CASP8: variants seen among roughly 807,000 people sequenced by gnomAD.
CASP8 encodes caspase-8.
Under a neutral mutation model 46.3 loss-of-function variants are expected in CASP8, and 24 were observed. The observed-to-expected ratio is 0.52, with a 90% confidence interval of 0.38 to 0.73. The LOEUF (loss-of-function observed/expected upper bound fraction) is 0.73. CASP8 is among the 30% of genes least tolerant of loss of function. The pLI, the probability that CASP8 is intolerant of heterozygous loss-of-function variation, is 0.00. For missense variants in CASP8, 460 were observed against 559.0 expected (o/e 0.82, Z 1.79); for synonymous variants, 188 against 200.4 (o/e 0.94, Z 0.52).
intron 2 of CASP8, among the ~76,000 whole-genome samples, chr2:201,234,447 T>C (rs767825557): frequency 2.0e-5 from 3 of 152,092 alleles, no homozygotes; most frequent in Non-Finnish European, 4.4e-5. Context: ...TGAAAAGTTA[T>C]TCTTTTTTAT....
intron 2 of CASP8, among the ~76,000 whole-genome samples, chr2:201,268,767 A>C (rs1948008945): frequency 6.6e-6 from 1 of 152,026 alleles, no homozygotes; most frequent in Non-Finnish European, 1.5e-5. Context: ...GGGTGGGTGG[A>C]GGAATCCTCA....
chr2:201,271,690 AAG>A (rs1334706098), intron 3 of CASP8, 69 bp downstream of exon 3: 3 of 960,774 alleles, frequency 3.1e-6, no homozygotes, highest in Middle Eastern at 2.1e-4. Context: ...TCTGAGACCA[AAG>A]AGAGGGGTAT....
chr2:201,257,014 G>A (rs573123843), upstream of CASP8, among the ~76,000 whole-genome samples: 47 of 152,054 alleles, frequency 3.1e-4, no homozygotes, highest in Middle Eastern at 0.017. Flanking sequence ...GCATGGTGGC[G>A]CATGCCTGTA....
intron 2 of CASP8, among the ~76,000 whole-genome samples, chr2:201,268,128 T>G (rs1947958226): frequency 6.6e-6 from 1 of 151,980 alleles, no homozygotes; most frequent in African/African-American, 2.4e-5. Flanking sequence ...TTCCACCATG[T>G]TGGCCAGGCT....
At position 201,239,853 on chromosome 2, in the gene CASP8, G is replaced by A. The variant is rs139906975; in HGVS notation, c.-27+5741G>A. Reference sequence around the variant, plus strand: ...TTGTCCCTGATGGCTTCTGATGCAAGCTGGGACAGCATTTGTCTGTTGATA... The same window carrying A: ...TTGTCCCTGATGGCTTCTGATGCAAACTGGGACAGCATTTGTCTGTTGATA... On this transcript the variant is annotated intron_variant, in intron 2 of 6. Coordinates refer to the CASP8 transcript ENST00000264274. 3.3e-5 allele frequency among the ~76,000 whole-genome samples: 5 copies of A among 152,316 alleles called. No homozygotes were observed. In the East Asian group the frequency reaches 9.6e-4, roughly 29 times the overall value.
rs755237738 is a variant in CASP8 at position 201,285,000 on chromosome 2, G to A, written c.987G>A (p.Gln329=). The change falls in exon 8 of 9, where the codon CAG becomes CAA. Residue 329 remains glutamine (Q), a synonymous_variant. Coordinates refer to ENST00000673742, the MANE Select transcript of CASP8 (RefSeq NM_001372051.1). The part of the protein sequence containing the change: ...DKGIIYGTDG[Q]EAPIYELTSQ... ...GCATCATCTATGGCACTGATGGACA[G>A]GAGGCCCCCATCTATGAGCTGACAT... 3 of 1,614,056 alleles carry A rather than the reference G, an allele frequency of 1.9e-6. No homozygotes were observed. Among genetic ancestry groups the A allele is most frequent in the South Asian group, 2.2e-5 (2 of 91,094 alleles).
At chr2:201,258,348 G>A (rs370221663), upstream of CASP8, 32 of 1,613,858 alleles carry the variant, frequency 2.0e-5, no homozygotes, top group Middle Eastern at 1.6e-4. Flanking sequence ...TAGGGGACTC[G>A]GAGACTGCGA....
intron 6 of CASP8, 37 bp from the exon 7 acceptor site, chr2:201,276,788 CCA>C: frequency 3.7e-6 from 6 of 1,613,384 alleles, no homozygotes; most frequent in Non-Finnish European, 5.1e-6. Flanking sequence ...AGTGTTTGAC[CCA>C]CAGAGTCAGC....
Position 201,271,553 on chromosome 2 carries a change from TC to T in CASP8, c.344del (p.Ser115Ter). 6.2e-7 allele frequency: 1 copy of T among 1,611,132 alleles called. No homozygotes were observed. On this transcript the variant is annotated frameshift_variant, in exon 3 of 9. Transcript: ENST00000673742. LOFTEE classifies it high-confidence loss of function. The stretch of plus-strand genomic sequence containing the variant: ...TCAGATTTCAGAAGAAGTGAGCAGA[TC>T]AGAATTGAGGTCTTTTAAGTTTCTT... ...LYQISEEVSR[S>X]ELRSFKFLLQ...
chr2:201,237,720 G>A lies in CASP8; in HGVS notation c.-27+3608G>A, dbSNP rs139235811. Among the ~76,000 whole-genome samples, 36 of 152,264 alleles carry A rather than the reference G, an allele frequency of 2.4e-4. No homozygotes were observed. The East Asian group carries it at 6.8e-3, about 29-fold the overall frequency. On this transcript the variant is annotated intron_variant, in intron 2 of 6. Coordinates refer to the CASP8 transcript ENST00000264274. ...GGTTTGTAAAGTCATTAATTTACTGGTGCATCAGTGGATGGCTCTGTGTCT... is the reference window on the plus strand; with the variant it reads ...GGTTTGTAAAGTCATTAATTTACTGATGCATCAGTGGATGGCTCTGTGTCT...
At chr2:201,249,783 T>G (rs1946696969) in intron 2 of CASP8, among the ~76,000 whole-genome samples, 1 of 152,164 alleles carries the variant, frequency 6.6e-6, no homozygotes, top group Non-Finnish European at 1.5e-5. Context: ...CTCTGCCTCC[T>G]ACACTTCTCC....
intron 7 of CASP8, chr2:201,277,908 C>T (rs1192548843): frequency 8.4e-6 from 2 of 236,790 alleles, no homozygotes; most frequent in Non-Finnish European, 1.7e-5. Flanking sequence ...GCCATATTGG[C>T]CAGGCTGGTC....
At chr2:201,274,824 A>G in intron 5 of CASP8, 65 bp from the exon 6 acceptor site, 2 of 1,228,146 alleles carry the variant, frequency 1.6e-6, no homozygotes, top group Non-Finnish European at 2.4e-6. Context: ...TGTGCTACAT[A>G]TTTCATTACC....
chr2:201,261,321 G>A (rs1427862010), intron 1 of CASP8, among the ~76,000 whole-genome samples: 1 of 151,204 alleles, frequency 6.6e-6, no homozygotes, highest in African/African-American at 2.4e-5. Context: ...AACCTGGGAG[G>A]TGGAAGTTGT....
Position 201,285,089 on chromosome 2 carries a change from C to T in CASP8, c.1076C>T (p.Ala359Val), listed in dbSNP as rs2125484778. ...AAACCCAAAGTGTTTTTTATTCAGGCTTGTCAGGGGGATAACTACCAGAAA... is the reference window on the plus strand; with the variant it reads ...AAACCCAAAGTGTTTTTTATTCAGGTTTGTCAGGGGGATAACTACCAGAAA... ...AGKPKVFFIQ[A>V]CQGDNYQKGI... The change falls in exon 8 of 9, where the codon GCT becomes GTT. Residue 359 changes from alanine (A) to valine (V), a missense_variant. Transcript: ENST00000673742. 1.9e-6 allele frequency: 3 copies of T among 1,614,148 alleles called. No individual in the cohort carries two copies. Among genetic ancestry groups the T allele is most frequent in the East Asian group, 2.2e-5 (1 of 44,886 alleles).
intron 1 of CASP8, among the ~76,000 whole-genome samples, chr2:201,263,609 A>G (rs1947583165): frequency 6.6e-6 from 1 of 152,246 alleles, no homozygotes; most frequent in Non-Finnish European, 1.5e-5. Context: ...ATTGTCTAAA[A>G]TGAATACACT....
At chr2:201,271,999 CTGTG>C (rs1948288125) in intron 3 of CASP8, among the ~76,000 whole-genome samples, 1 of 151,794 alleles carries the variant, frequency 6.6e-6, no homozygotes, top group South Asian at 2.1e-4. Flanking sequence ...ATTTCCGTGT[CTGTG>C]TGTGCCTTTC....
intron 6 of CASP8, 64 bp from the exon 7 acceptor site, chr2:201,276,763 T>C: frequency 6.2e-7 from 1 of 1,610,704 alleles, no homozygotes; most frequent in Non-Finnish European, 8.5e-7. Context: ...TAGGGAGTTG[T>C]TTGTTTACAT....
At position 201,272,835 on chromosome 2, in the gene CASP8, A is replaced by G. The variant is rs764029440; in HGVS notation, c.550+59A>G. The G allele has an allele frequency of 3.1e-6, 5 of 1,613,668 alleles. No individual in the cohort carries two copies. The South Asian group carries it at 3.3e-5, about 11-fold the overall frequency. ...ACCTACTCTAAAATTGAAACTGACAAATCGCTCCATATCACAGTTGTTTCT... is the reference window on the plus strand; with the variant it reads ...ACCTACTCTAAAATTGAAACTGACAGATCGCTCCATATCACAGTTGTTTCT... On this transcript the variant is annotated intron_variant, in intron 4 of 8. Transcript: ENST00000673742. The surrounding 1 kb of genome is among the most constrained non-coding windows in gnomAD (Gnocchi z 4.4).
Sources: gnomAD v4.1 joint callset for allele counts (sites outside exome capture counted in the v4.1 genomes callset) on GRCh38, gnomAD v4.1.1 for gene constraint, Gnocchi (gnomAD v3.1) non-coding constraint, MANE v1.5 for transcripts, NCBI Gene and HGNC (gene_info 2026-07-23, HGNC 2026-07-21) for gene names.